RBP2: variants seen among roughly 807,000 people sequenced by gnomAD.
The protein encoded by RBP2 is retinol-binding protein 2.
A neutral mutation model predicts 17.0 loss-of-function variants in RBP2; 17 were observed. That is an observed-to-expected ratio of 1.00 (90% CI 0.68 to 1.50). The LOEUF is 1.50. Among genes scored for constraint, RBP2 ranks in the 40% most tolerant of loss-of-function variants. The pLI is 0.00. For synonymous variants in RBP2, 48 were observed against 57.1 expected, an observed-to-expected ratio of 0.84 and a Z score of 0.72; for missense variants, 158 against 168.2, an observed-to-expected ratio of 0.94 and a Z score of 0.33.
chr3:139,468,535 T>C (rs1205930517), intron 1 of RBP2, among the ~76,000 whole-genome samples: 2 of 152,150 alleles, frequency 1.3e-5, no homozygotes, highest in Non-Finnish European at 2.9e-5. Flanking sequence ...CTTCAGTGTT[T>C]GCACAACCCA....
At chr3:139,475,730 G>A (rs978002430) in intron 1 of RBP2, among the ~76,000 whole-genome samples, 5 of 152,192 alleles carry the variant, frequency 3.3e-5, no homozygotes, top group Non-Finnish European at 5.9e-5. Flanking sequence ...ACTCACTCTA[G>A]TCCCAGGCAG....
At chr3:139,464,554 A>G (rs970605819) in intron 1 of RBP2, among the ~76,000 whole-genome samples, 4 of 152,176 alleles carry the variant, frequency 2.6e-5, no homozygotes, top group African/African-American at 7.2e-5. Context: ...TGAATCCACA[A>G]CAGAATCACA....
intron 1 of RBP2, among the ~76,000 whole-genome samples, chr3:139,472,672 T>G (rs758719725): frequency 6.6e-6 from 1 of 152,110 alleles, no homozygotes; most frequent in African/African-American, 2.4e-5. Flanking sequence ...TGCTGCCCAA[T>G]TGCAACCAAA....
intron 1 of RBP2, among the ~76,000 whole-genome samples, chr3:139,472,203 A>G (rs1933591329): frequency 6.6e-6 from 1 of 152,096 alleles, no homozygotes; most frequent in Admixed American, 6.5e-5. Context: ...ACCACCATGC[A>G]CACACTTCTT....
intron 2 of RBP2, among the ~76,000 whole-genome samples, chr3:139,457,444 AGAAG>A (rs1363898164): frequency 6.6e-6 from 1 of 152,178 alleles, no homozygotes; most frequent in Non-Finnish European, 1.5e-5. Context: ...GAAGGAAGGA[AGAAG>A]GAAGGAGAAA....
chr3:139,459,396 A>ATGTGTGTGTGTG (rs751257475), intron 2 of RBP2, among the ~76,000 whole-genome samples: 41 of 47,192 alleles, frequency 8.7e-4, no homozygotes, highest in East Asian at 3.3e-3. Flanking sequence ...TTTCTACTAT[A>ATGTGTGTGTGTG]TATATGTGTG....
chr3:139,453,188 G>C (rs200506281), intron 3 of RBP2, 22 bp from the exon 4 acceptor site: 38 of 1,613,902 alleles, frequency 2.4e-5, no homozygotes, highest in Middle Eastern at 1.6e-4. Context: ...GAAAGTGGGT[G>C]AGGGTCTAAC....
chr3:139,453,306 C>T, intron 3 of RBP2, 140 bp from the exon 4 acceptor site: 1 of 850,318 alleles, frequency 1.2e-6, no homozygotes, highest in Non-Finnish European at 1.9e-6. Flanking sequence ...ATCTCACAGA[C>T]CCAATCAGCG....
In RBP2 at chr3:139,454,786, C is replaced by G; in HGVS notation, c.297G>C (p.Lys99Asn). 1.9e-6 allele frequency: 3 copies of G among 1,614,212 alleles called. No homozygotes were observed. Among genetic ancestry groups the G allele is most frequent in the Non-Finnish European group, 2.5e-6 (3 of 1,180,034 alleles). The change falls in exon 3 of 4, where the codon AAG (lysine) becomes AAC (asparagine). Residue 99 changes from lysine (K) to asparagine (N), a missense_variant. Coordinates refer to ENST00000232217, the MANE Select transcript of RBP2 (RefSeq NM_004164.3). ...WEGDVLVCVQ[K>N]GEKENRGWKQ... Reference sequence around the variant, plus strand: ...TCCAGCCGCGGTTCTCCTTCTCCCCCTTTTGCACACACACAAGGACATCAC... The same window carrying G: ...TCCAGCCGCGGTTCTCCTTCTCCCCGTTTTGCACACACACAAGGACATCAC...
intron 1 of RBP2, among the ~76,000 whole-genome samples, chr3:139,468,397 T>A (rs1933434169): frequency 6.6e-6 from 1 of 152,210 alleles, no homozygotes; most frequent in African/African-American, 2.4e-5. Context: ...AACTGGTTTG[T>A]CCTGGAAACA....
At chr3:139,459,400 A>ATATATATGTGTGTGTGTGTGTGTG (rs111417242) in intron 2 of RBP2, among the ~76,000 whole-genome samples, 5 of 128,552 alleles carry the variant, frequency 3.9e-5, no homozygotes, top group African/African-American at 5.9e-5. Context: ...TACTATATAT[A>ATATATATGTGTGTGTGTGTGTGTG]TGTGTGTGTG....
chr3:139,470,693 C>A (rs985807383), intron 1 of RBP2, among the ~76,000 whole-genome samples: 1 of 152,044 alleles, frequency 6.6e-6, no homozygotes, highest in South Asian at 2.1e-4. Flanking sequence ...ATTCTCCCCC[C>A]TCAGCCTCCT....
intron 1 of RBP2, 78 bp from the exon 2 acceptor site, chr3:139,462,368 A>G: frequency 3.5e-6 from 5 of 1,417,074 alleles, no homozygotes; most frequent in Non-Finnish European, 4.9e-6. Flanking sequence ...CCAAACATTC[A>G]AGACTAGAGA....
rs753473232 is a variant in RBP2 at position 139,453,114 on chromosome 3, C to G, written c.*2G>C. 3 of 1,614,138 alleles carry G rather than the reference C, an allele frequency of 1.9e-6. No homozygotes were observed. The highest frequency in any genetic ancestry group is 2.5e-6 in the Non-Finnish European group (3 of 1,180,024). On this transcript the variant is annotated 3_prime_UTR_variant, in exon 4 of 4. Coordinates refer to ENST00000232217, the MANE Select transcript of RBP2 (RefSeq NM_004164.3). ...GTGCTTGGCAGGCCTCCCACGTCGC[C>G]ATCATTTCTTTTTGAACACTTGACG...
intron 2 of RBP2, among the ~76,000 whole-genome samples, chr3:139,457,148 G>C (rs1321697857): frequency 6.6e-6 from 1 of 152,220 alleles, no homozygotes; most frequent in Non-Finnish European, 1.5e-5. Context: ...TGTATCTGCT[G>C]TTCATTTCTG....
rs1276144393 is a variant in RBP2 at position 139,462,219 on chromosome 3, TA to T, written c.144del (p.Asp48GlufsTer22). 6.2e-7 allele frequency: 1 copy of T among 1,614,160 alleles called. No individual in the cohort carries two copies. The highest frequency in any genetic ancestry group is 2.2e-5 in the East Asian group (1 of 44,868). Reference sequence around the variant, plus strand: ...GTGCTAGTGGTTTTTGTCTTGAAGTTATCACCATCTTGATCAATAACCTTCG... The same window carrying T: ...GTGCTAGTGGTTTTTGTCTTGAAGTTTCACCATCTTGATCAATAACCTTCG... ...TQTKVIDQDG[D>X]NFKTKTTSTF... On this transcript the variant is annotated frameshift_variant, in exon 2 of 4. Coordinates refer to ENST00000232217, the MANE Select transcript of RBP2 (RefSeq NM_004164.3). LOFTEE classifies it high-confidence loss of function.
At chr3:139,463,608 C>A (rs1933267772) in intron 1 of RBP2, among the ~76,000 whole-genome samples, 1 of 152,192 alleles carries the variant, frequency 6.6e-6, no homozygotes, top group Non-Finnish European at 1.5e-5. Context: ...AAGCAAACCC[C>A]TAGTTAAGCA....
intron 1 of RBP2, among the ~76,000 whole-genome samples, chr3:139,473,884 G>A (rs1933643758): frequency 1.3e-5 from 2 of 152,202 alleles, no homozygotes. Context: ...TTGGGCAGGA[G>A]CAAGTTTCTG....
intron 1 of RBP2, 89 bp from the exon 2 acceptor site, chr3:139,462,379 C>T (rs1933219204): frequency 7.3e-7 from 1 of 1,367,158 alleles, no homozygotes; most frequent in Admixed American, 1.8e-5. Flanking sequence ...AGACTAGAGA[C>T]ACAGATTGTG....
Sources: gnomAD v4.1 joint callset for allele counts (sites outside exome capture counted in the v4.1 genomes callset) on GRCh38, gnomAD v4.1.1 for gene constraint, MANE v1.5 for transcripts, NCBI Gene and HGNC (gene_info 2026-07-23, HGNC 2026-07-21) for gene names.